Variants in CD109 observed in about 807,000 individuals in gnomAD.
CD109 encodes CD109 molecule.
CD109 carries 149 observed loss-of-function variants against 165.8 expected under a neutral mutation model. The ratio of observed to expected loss-of-function variants is 0.90; its 90% CI spans 0.79 to 1.03. The LOEUF (loss-of-function observed/expected upper bound fraction) is 1.03, where lower values mean the gene tolerates loss of function less well. Ranked by LOEUF, CD109 falls within the 50% of genes least tolerant of loss-of-function variation. The pLI, the probability that CD109 is intolerant of heterozygous loss-of-function variation, is 0.00. For missense variants in CD109, 1,712 were observed against 1,677.8 expected, an observed-to-expected ratio of 1.02 and a Z score of -0.36; for synonymous variants, 585 against 592.1, an observed-to-expected ratio of 0.99 and a Z score of 0.18.
At chr6:73,823,359 A>G in intron 32 of CD109, 99 bp from the exon 33 acceptor site, 1 of 898,412 alleles carries the variant, frequency 1.1e-6, no homozygotes, top group Non-Finnish European at 1.7e-6. Flanking sequence ...TTAAGAATGG[A>G]AAACTCAGAA....
chr6:73,810,388 G>C (rs113352916), intron 27 of CD109, among the ~76,000 whole-genome samples: 3,588 of 150,974 alleles, frequency 0.024, 159 homozygotes, highest in African/African-American at 0.082. Flanking sequence ...AGGCTAAATT[G>C]ATTAATTTTA....
intron 3 of CD109, among the ~76,000 whole-genome samples, chr6:73,723,660 A>G (rs1175294680): frequency 2.0e-5 from 3 of 152,154 alleles, no homozygotes; most frequent in Admixed American, 2.0e-4. Flanking sequence ...TAAACACCAC[A>G]TGTTCTCACT....
chr6:73,795,833 A>G (rs966096895), intron 23 of CD109, among the ~76,000 whole-genome samples: 2 of 152,172 alleles, frequency 1.3e-5, no homozygotes, highest in Non-Finnish European at 2.9e-5. Flanking sequence ...AGGGATAATA[A>G]AAGAACCCAC....
chr6:73,781,390 G>A (rs1774490989), intron 17 of CD109, 71 bp downstream of exon 17: 3 of 1,270,354 alleles, frequency 2.4e-6, no homozygotes, highest in Non-Finnish European at 3.4e-6. Flanking sequence ...TATAGGTATG[G>A]ATATTTTTTA....
chr6:73,683,260 T>G, the CD109 span, among the ~76,000 whole-genome samples: 1 of 152,214 alleles, frequency 6.6e-6, no homozygotes, highest in Non-Finnish European at 1.5e-5. Flanking sequence ...CTTTGCTGCT[T>G]AGAAATTTCT....
intron 23 of CD109, among the ~76,000 whole-genome samples, chr6:73,793,401 C>G (rs1582169637): frequency 6.6e-6 from 1 of 152,212 alleles, no homozygotes; most frequent in Non-Finnish European, 1.5e-5. Context: ...GTTTTGGCAA[C>G]TTGTTAATAA....
At chr6:73,688,757 C>G in the CD109 span, among the ~76,000 whole-genome samples, 6 of 65,960 alleles carry the variant, frequency 9.1e-5, no homozygotes, top group South Asian at 5.2e-4. Context: ...GAGAGTTTTT[C>G]TTTGTTTTTT....
rs746314222 is a variant in CD109, at chr6:73,736,473, A to G, written c.598A>G (p.Ile200Val). 46 of 1,613,698 alleles carry G rather than the reference A, an allele frequency of 2.9e-5. No homozygotes were observed. The highest frequency in any genetic ancestry group is 7.7e-5 in the South Asian group (7 of 91,028). ...SKTFQLSSHP[I>V]LGDWSIQVQV... ...AACTTTTCAGCTATCTTCCCATCCA[A>G]TACTTGGTGACTGGTCTATTCAAGT... Residue 200 changes from isoleucine to valine, a missense_variant, in exon 5 of 33, where the codon ATA (isoleucine) becomes GTA (valine). Physicochemically the swap from Ile to Val is conservative, Grantham distance 29. Transcript: ENST00000287097.
At chr6:73,692,479 A>C (rs536991989), upstream of CD109, among the ~76,000 whole-genome samples, 10 of 152,316 alleles carry the variant, frequency 6.6e-5, 1 homozygote, top group South Asian at 2.1e-3. Flanking sequence ...GATACTGATA[A>C]TAGCATTTTG....
At chr6:73,722,472 A>G (rs752819141) in intron 2 of CD109, among the ~76,000 whole-genome samples, 1 of 152,122 alleles carries the variant, frequency 6.6e-6, no homozygotes, top group African/African-American at 2.4e-5. Flanking sequence ...CCTGCTGTGT[A>G]CTGTGCTGTG....
At chr6:73,689,448 T>C in the CD109 span, among the ~76,000 whole-genome samples, 1 of 152,224 alleles carries the variant, frequency 6.6e-6, no homozygotes, top group Non-Finnish European at 1.5e-5. Context: ...TGCCAGAGAA[T>C]TGATTGCTTG....
At chr6:73,689,927 CTTCT>C in the CD109 span, among the ~76,000 whole-genome samples, 3 of 151,988 alleles carry the variant, frequency 2.0e-5, no homozygotes, top group Non-Finnish European at 4.4e-5. Context: ...GTAATTAAAT[CTTCT>C]TTGTCAATTC....
intron 2 of CD109, among the ~76,000 whole-genome samples, chr6:73,712,609 G>A (rs911630234): frequency 6.6e-6 from 1 of 152,162 alleles, no homozygotes; most frequent in Non-Finnish European, 1.5e-5. Context: ...GTATTACAGA[G>A]TATGTTTAAA....
chr6:73,764,424 T>TA (rs1457268748), intron 10 of CD109, among the ~76,000 whole-genome samples: 1 of 152,208 alleles, frequency 6.6e-6, no homozygotes, highest in African/African-American at 2.4e-5. Context: ...AATTTATAAA[T>TA]AAGTGAGAGT....
the CD109 span, among the ~76,000 whole-genome samples, chr6:73,687,830 G>A: frequency 9.8e-3 from 1,498 of 152,280 alleles, 30 homozygotes; most frequent in African/African-American, 0.034. Flanking sequence ...CAAGAAGGAC[G>A]TGCTTTTCCC....
chr6:73,735,962 C>T lies in CD109; in HGVS notation c.508-421C>T, dbSNP rs545146847. On this transcript the variant is annotated intron_variant, in intron 4 of 32. Coordinates refer to ENST00000287097, the MANE Select transcript of CD109 (RefSeq NM_133493.5). ...ACCGCCGCCACCAGGGGTTTGGTGA[C>T]GTACATGTTGTAGTGTTTCATGTAG... Among the ~76,000 whole-genome samples the T allele has an allele frequency of 2.4e-4, 36 of 152,110 alleles. 1 individual carries two copies. The South Asian group carries it at 5.0e-3, about 21-fold the overall frequency.
At chr6:73,816,604 C>G (rs1213790074) in intron 30 of CD109, among the ~76,000 whole-genome samples, 2 of 152,100 alleles carry the variant, frequency 1.3e-5, no homozygotes, top group East Asian at 3.9e-4. Context: ...TTGCTTGAGT[C>G]TCTACTATGT....
intron 2 of CD109, among the ~76,000 whole-genome samples, chr6:73,713,245 A>G (rs1771600862): frequency 6.6e-6 from 1 of 152,154 alleles, no homozygotes; most frequent in Non-Finnish European, 1.5e-5. Context: ...AAAAATGTCA[A>G]GTACTTAAAA....
At chr6:73,689,359 G>T in the CD109 span, among the ~76,000 whole-genome samples, 2 of 152,144 alleles carry the variant, frequency 1.3e-5, no homozygotes, top group Admixed American at 6.5e-5. Flanking sequence ...CAACCTAGGG[G>T]ATCTGCTGCT....
Sources: gnomAD v4.1 joint callset for allele counts (sites outside exome capture counted in the v4.1 genomes callset) on GRCh38, gnomAD v4.1.1 for gene constraint, MANE v1.5 for transcripts, NCBI Gene and HGNC (gene_info 2026-07-23, HGNC 2026-07-21) for gene names.